Variants in CHRNA1 observed in about 807,000 individuals in gnomAD.
CHRNA1 encodes acetylcholine receptor subunit alpha.
In CHRNA1, 35 loss-of-function variants were observed where a neutral mutation model predicts 47.1. That is an observed-to-expected ratio of 0.74 (90% CI 0.57 to 0.99). The LOEUF is 0.99. Among genes scored for constraint, CHRNA1 ranks in the 50% least tolerant of loss-of-function variants. The pLI is 0.00. For missense variants in CHRNA1, 506 were observed against 591.1 expected (o/e 0.86, Z 1.49); for synonymous variants, 229 against 223.6 (o/e 1.02, Z -0.22).
At chr2:174,756,377 G>C (rs1683980659) in intron 4 of CHRNA1, among the ~76,000 whole-genome samples, 1 of 152,112 alleles carries the variant, frequency 6.6e-6, no homozygotes, top group Non-Finnish European at 1.5e-5. Flanking sequence ...TAAATCAAGA[G>C]GTTTTCTTCC....
In CHRNA1 at chr2:174,750,003, G is replaced by A. The variant is rs371524795; in HGVS notation, c.945C>T (p.Val315=). ...TGGGTGAGCGGTGGTGTGTGTTGAT[G>A]ACGATGACAGTGATGATGATGGAGG... ...VIASIIITVI[V]INTHHRSPST... Residue 315 remains valine, a synonymous_variant, in exon 7 of 9, where the codon GTC becomes GTT. Coordinates refer to ENST00000348749, the MANE Select transcript of CHRNA1 (RefSeq NM_000079.4). 2.4e-5 allele frequency: 39 copies of A among 1,613,996 alleles called. No homozygotes were observed. In the African/African-American group the frequency reaches 4.9e-4, roughly 20 times the overall value.
chr2:174,754,882 C>CTTTTT (rs34233623), intron 4 of CHRNA1, among the ~76,000 whole-genome samples: 6 of 120,400 alleles, frequency 5.0e-5, no homozygotes, highest in African/African-American at 1.7e-4. Flanking sequence ...GCCTACTACT[C>CTTTTT]TTTTTTTTTT....
chr2:174,748,938 C>G (rs1437622212), intron 7 of CHRNA1, 119 bp from the exon 8 acceptor site: 6 of 1,317,298 alleles, frequency 4.6e-6, no homozygotes, highest in Non-Finnish European at 6.3e-6. Context: ...GGGCTTCAGC[C>G]TCCTTGTCCT....
Position 174,753,062 on chromosome 2 carries a change from T to C in CHRNA1, c.778+441A>G, listed in dbSNP as rs35777413. ...ATGCCACCATCTGGAAAAAAAGATA[T>C]GCAAAATCTATTTTCAAGTGGTGAG... On this transcript the variant is annotated intron_variant, in intron 6 of 8. Coordinates refer to ENST00000348749, the MANE Select transcript of CHRNA1 (RefSeq NM_000079.4). 3.7e-3 allele frequency: 1,042 copies of C among 283,928 alleles called. 7 individuals are homozygous for C. The highest frequency in any genetic ancestry group is 0.014 in the South Asian group (246 of 17,312). 17.6% of individuals were successfully genotyped at this position (283,928 alleles called of 1,614,324 possible).
intron 8 of CHRNA1, 113 bp downstream of exon 8, chr2:174,748,467 G>T: frequency 6.8e-7 from 1 of 1,460,228 alleles, no homozygotes; most frequent in East Asian, 2.4e-5. Flanking sequence ...GTTCATCTTA[G>T]GTCAGTAGCT....
chr2:174,758,286 G>A (rs1050957693), intron 3 of CHRNA1, among the ~76,000 whole-genome samples: 3 of 152,122 alleles, frequency 2.0e-5, no homozygotes, highest in African/African-American at 7.2e-5. Context: ...GTAGGCGCCT[G>A]TAGTCCCAGC....
At chr2:174,748,938 C>T (rs1437622212) in intron 7 of CHRNA1, 119 bp from the exon 8 acceptor site, 3 of 1,317,298 alleles carry the variant, frequency 2.3e-6, no homozygotes, top group Non-Finnish European at 3.1e-6. Context: ...GGGCTTCAGC[C>T]TCCTTGTCCT....
chr2:174,758,806 A>G (rs1261509449), intron 3 of CHRNA1, among the ~76,000 whole-genome samples: 1 of 152,210 alleles, frequency 6.6e-6, no homozygotes. Context: ...AATTATGTTA[A>G]AATGAAGTCA....
intron 4 of CHRNA1, among the ~76,000 whole-genome samples, chr2:174,755,045 C>T (rs1683953408): frequency 6.6e-6 from 1 of 152,064 alleles, no homozygotes; most frequent in East Asian, 1.9e-4. Context: ...ACCAAACACC[C>T]AGCTAATTTT....
chr2:174,762,897 C>G (rs1024454240), intron 1 of CHRNA1, among the ~76,000 whole-genome samples: 1 of 152,226 alleles, frequency 6.6e-6, no homozygotes, highest in Admixed American at 6.5e-5. Context: ...AAATTTTGAA[C>G]TGTTACTAGT....
chr2:174,761,153 T>C (rs1263513478), intron 1 of CHRNA1, among the ~76,000 whole-genome samples: 1 of 152,202 alleles, frequency 6.6e-6, no homozygotes, highest in Non-Finnish European at 1.5e-5. Context: ...AGTGCCACTA[T>C]TCCTATGAGA....
chr2:174,763,330 G>GCACACACACA (rs59175013), intron 1 of CHRNA1, among the ~76,000 whole-genome samples: 9 of 55,064 alleles, frequency 1.6e-4, no homozygotes, highest in Non-Finnish European at 4.0e-4. Flanking sequence ...GCACGCGCGC[G>GCACACACACA]CACACACACA....
intron 4 of CHRNA1, 101 bp downstream of exon 4, chr2:174,757,465 T>C (rs1684001355): frequency 3.6e-6 from 3 of 844,486 alleles, no homozygotes; most frequent in Non-Finnish European, 6.0e-6. Context: ...GATTTAACAT[T>C]AGCAGTGGTG....
intron 1 of CHRNA1, among the ~76,000 whole-genome samples, chr2:174,760,571 G>A (rs1312825383): frequency 3.3e-5 from 5 of 152,164 alleles, no homozygotes; most frequent in Non-Finnish European, 7.3e-5. Flanking sequence ...GATCGGGTGG[G>A]ACTCCTTAAT....
intron 4 of CHRNA1, among the ~76,000 whole-genome samples, chr2:174,756,743 T>G (rs962897152): frequency 2.0e-4 from 31 of 152,288 alleles, no homozygotes; most frequent in African/African-American, 7.0e-4. Context: ...AAGGCCCGCC[T>G]TAAAAGGTAT....
rs1683910774 is a variant in CHRNA1, at chr2:174,753,753, G to T, written c.541-13C>A. The T allele has an allele frequency of 6.2e-7, 1 of 1,613,418 alleles. No homozygotes were observed. Among genetic ancestry groups the T allele is most frequent in the South Asian group, 1.1e-5 (1 of 90,996 alleles). On this transcript the variant is annotated splice_polypyrimidine_tract_variant and intron_variant, in intron 5 of 8. Coordinates refer to ENST00000348749, the MANE Select transcript of CHRNA1 (RefSeq NM_000079.4). ...GCTGGTCGCTTTCCTGAGAAAGGAA[G>T]TGAGGTTTGGAAATCCCAGGCAGGT...
At chr2:174,752,668 C>T (rs1252422160) in intron 6 of CHRNA1, 4 of 152,440 alleles carry the variant, frequency 2.6e-5, no homozygotes, top group Admixed American at 6.5e-5. Context: ...CTATCTACCA[C>T]ATCATATTTG....
Position 174,764,412 on chromosome 2 carries a change from G to A in CHRNA1, c.-18C>T, listed in dbSNP as rs375512537. The A allele has an allele frequency of 1.1e-5, 17 of 1,610,872 alleles. No individual in the cohort carries two copies. The African/African-American group carries it at 1.3e-4, about 13-fold the overall frequency. On this transcript the variant is annotated 5_prime_UTR_variant, in exon 1 of 9. Coordinates refer to ENST00000348749, the MANE Select transcript of CHRNA1 (RefSeq NM_000079.4). ...GGCTCCATGGGCTACCGGAGCTTGT[G>A]TGGACCAGGGCAGAGTGGTGGCCTG...
At chr2:174,760,371 G>A (rs1205179079) in intron 1 of CHRNA1, among the ~76,000 whole-genome samples, 2 of 152,174 alleles carry the variant, frequency 1.3e-5, no homozygotes, top group Non-Finnish European at 2.9e-5. Flanking sequence ...CATGAAAAAG[G>A]AATAAAGGAA....
Sources: allele counts gnomAD v4.1 joint callset (sites outside exome capture counted in the v4.1 genomes callset), GRCh38; gene constraint gnomAD v4.1.1; transcripts MANE v1.5; gene names NCBI Gene and HGNC (gene_info 2026-07-23, HGNC 2026-07-21).